The following LRRTM4 variants were observed in gnomAD, a reference collection of about 807,000 sequenced individuals.
The protein encoded by LRRTM4 is leucine rich repeat transmembrane neuronal 4, also known as leucine-rich repeat transmembrane neuronal protein 4.
A neutral mutation model predicts 47.6 loss-of-function variants in LRRTM4; 25 were observed. The ratio of observed to expected loss-of-function variants is 0.53; its 90% CI spans 0.38 to 0.73. LRRTM4 has a LOEUF of 0.73. Ranked by LOEUF, LRRTM4 falls within the 30% of genes least tolerant of loss-of-function variation. LRRTM4 has a pLI of 0.00. For synonymous variants in LRRTM4, 311 were observed against 269.5 expected (o/e 1.15, Z -1.51); for missense variants, 638 against 713.4 (o/e 0.89, Z 1.20).
intron 3 of LRRTM4, among the ~76,000 whole-genome samples, chr2:76,977,445 T>C (rs935621213): frequency 2.6e-5 from 4 of 151,924 alleles, no homozygotes; most frequent in African/African-American, 9.7e-5. Flanking sequence ...AAGCTAACTC[T>C]GAAAAATTAC....
At chr2:77,225,892 C>T (rs1292747203) in intron 3 of LRRTM4, among the ~76,000 whole-genome samples, 3 of 151,696 alleles carry the variant, frequency 2.0e-5, no homozygotes, top group Non-Finnish European at 4.4e-5. Flanking sequence ...TATTTTTCTA[C>T]AAAGATGACA....
intron 3 of LRRTM4, among the ~76,000 whole-genome samples, chr2:76,816,843 T>G (rs1475343494): frequency 3.6e-5 from 5 of 138,832 alleles, no homozygotes; most frequent in East Asian, 4.1e-4. Flanking sequence ...TTTTTTTTTT[T>G]TTTTTTTTTT....
chr2:77,318,922 G>T (rs1677700339), intron 3 of LRRTM4, among the ~76,000 whole-genome samples: 1 of 151,282 alleles, frequency 6.6e-6, no homozygotes, highest in Admixed American at 6.6e-5. Context: ...CAAGATAATT[G>T]CACCCTCTGT....
At chr2:77,211,693 A>G (rs1319299510) in intron 3 of LRRTM4, among the ~76,000 whole-genome samples, 4 of 152,188 alleles carry the variant, frequency 2.6e-5, no homozygotes, top group Admixed American at 6.5e-5. Flanking sequence ...CCCATGATCA[A>G]TTTAATGCCA....
intron 3 of LRRTM4, among the ~76,000 whole-genome samples, chr2:77,352,293 T>C (rs944614152): frequency 6.6e-6 from 1 of 152,176 alleles, no homozygotes; most frequent in African/African-American, 2.4e-5. Context: ...TGATTTGATG[T>C]ATAACCCATC....
chr2:77,459,774 AAAG>A (rs981305341), intron 3 of LRRTM4, among the ~76,000 whole-genome samples: 4 of 150,114 alleles, frequency 2.7e-5, no homozygotes, highest in African/African-American at 9.7e-5. Context: ...AAAAAAAAAA[AAAG>A]AAAATATCTC....
chr2:76,786,442 A>G (rs1674676334), intron 3 of LRRTM4, among the ~76,000 whole-genome samples: 1 of 152,108 alleles, frequency 6.6e-6, no homozygotes, highest in African/African-American at 2.4e-5. Flanking sequence ...CTTATATAGC[A>G]ATTCTTTCAT....
chr2:76,779,318 T>C (rs1022768735), intron 3 of LRRTM4, among the ~76,000 whole-genome samples: 1 of 150,688 alleles, frequency 6.6e-6, no homozygotes, highest in Admixed American at 6.6e-5. Flanking sequence ...GGTATCCTTG[T>C]TGACTTTCTG....
intron 3 of LRRTM4, among the ~76,000 whole-genome samples, chr2:76,927,200 T>C (rs547522161): frequency 6.6e-6 from 1 of 152,222 alleles, no homozygotes; most frequent in East Asian, 1.9e-4. Context: ...TAGACCTGCA[T>C]AGTACCATCT....
chr2:76,807,919 CT>C (rs1428200993), intron 3 of LRRTM4, among the ~76,000 whole-genome samples: 1 of 113,258 alleles, frequency 8.8e-6, no homozygotes, highest in East Asian at 2.6e-4. Flanking sequence ...CTTTTCTTTC[CT>C]TTCTTTCCTT....
At chr2:77,386,259 T>G (rs1038859159) in intron 3 of LRRTM4, among the ~76,000 whole-genome samples, 3 of 152,154 alleles carry the variant, frequency 2.0e-5, no homozygotes, top group Admixed American at 6.5e-5. Context: ...TTTTATAAAT[T>G]TATACATCCA....
At chr2:76,951,340 A>C (rs1414608323) in intron 3 of LRRTM4, among the ~76,000 whole-genome samples, 3 of 152,040 alleles carry the variant, frequency 2.0e-5, no homozygotes, top group Non-Finnish European at 4.4e-5. Flanking sequence ...CTTCTCTTTC[A>C]GTCACTTTTT....
intron 3 of LRRTM4, among the ~76,000 whole-genome samples, chr2:76,857,536 A>G (rs78661603): frequency 0.037 from 5,647 of 151,884 alleles, 236 homozygotes; most frequent in East Asian, 0.11. Context: ...GACAACACTA[A>G]CCCCCTCATT....
intron 3 of LRRTM4, among the ~76,000 whole-genome samples, chr2:77,186,985 G>C (rs1673525012): frequency 6.6e-6 from 1 of 152,040 alleles, no homozygotes; most frequent in Non-Finnish European, 1.5e-5. Context: ...AATTCTTTTG[G>C]TGCCCTAGGA....
chr2:77,038,275 T>G (rs116135216), intron 3 of LRRTM4, among the ~76,000 whole-genome samples: 2 of 151,560 alleles, frequency 1.3e-5, no homozygotes, highest in African/African-American at 4.8e-5. Flanking sequence ...AAATTCAGCA[T>G]TTGAAATTTG....
At chr2:76,781,618 C>T (rs968642740) in intron 3 of LRRTM4, among the ~76,000 whole-genome samples, 2 of 152,266 alleles carry the variant, frequency 1.3e-5, no homozygotes, top group Non-Finnish European at 2.9e-5. Context: ...TCGGCTCGCG[C>T]ATGGTGCGCG....
chr2:77,420,815 T>C (rs976994972), intron 3 of LRRTM4, among the ~76,000 whole-genome samples: 1 of 145,320 alleles, frequency 6.9e-6, no homozygotes, highest in African/African-American at 2.5e-5. Flanking sequence ...TAATATATAA[T>C]ATATTACCCT....
intron 3 of LRRTM4, among the ~76,000 whole-genome samples, chr2:76,941,517 G>C (rs180761150): frequency 6.7e-6 from 1 of 148,786 alleles, no homozygotes; most frequent in African/African-American, 2.5e-5. Context: ...CCCTGTGCTC[G>C]TATGTTCTCA....
At chr2:76,836,476 C>T (rs951730989) in intron 3 of LRRTM4, among the ~76,000 whole-genome samples, 4 of 151,826 alleles carry the variant, frequency 2.6e-5, no homozygotes, top group Admixed American at 2.0e-4. Context: ...TTCTCACCTT[C>T]GTTTTCTTTC....
Sources: allele counts gnomAD v4.1 joint callset (sites outside exome capture counted in the v4.1 genomes callset), GRCh38; gene constraint gnomAD v4.1.1; transcripts MANE v1.5; gene names NCBI Gene and HGNC (gene_info 2026-07-23, HGNC 2026-07-21).